NES: variants seen among roughly 807,000 people sequenced by gnomAD.
NES encodes the protein nestin.
NES carries 27 observed loss-of-function variants against 35.6 expected under a neutral mutation model. The observed-to-expected ratio is 0.76, with a 90% CI of 0.56 to 1.04. The LOEUF is 1.04. NES is among the 50% of genes least tolerant of loss of function. The probability of loss-of-function intolerance (pLI) is 0.00; values close to 1 mark genes in which losing one functional copy is unlikely to be tolerated. For missense variants in NES, 1,867 were observed against 1,983.6 expected, an observed-to-expected ratio of 0.94 and a Z score of 1.12; for synonymous variants, 822 against 824.2, an observed-to-expected ratio of 1.00 and a Z score of 0.04.
At chr1:156,675,682 G>A (rs1205058898) in intron 1 of NES, among the ~76,000 whole-genome samples, 5 of 152,110 alleles carry the variant, frequency 3.3e-5, no homozygotes, top group East Asian at 1.9e-4. Context: ...AGAGAGAAGA[G>A]GGGGAAAAAA....
Position 156,670,509 on chromosome 1 carries a change from G to C in NES, c.3679C>G (p.Pro1227Ala). 6.3e-7 allele frequency: 1 copy of C among 1,597,998 alleles called. No individual in the cohort carries two copies. Among genetic ancestry groups the C allele is most frequent in the South Asian group, 1.1e-5 (1 of 89,256 alleles). Residue 1227 changes from proline (P) to alanine (A), a missense_variant, in exon 4 of 4, where the codon CCG becomes GCG. Physicochemically the swap from Pro to Ala is conservative, Grantham distance 27 (BLOSUM62 -1). Transcript: ENST00000368223. ...VLVSPSPTYT[P>A]ILEDAPGPQP... ...GGCCCAGGGGCATCTTCCAGGATCG[G>C]GGTGTACGTTGGGCTGGGGGAGACC...
Position 156,676,202 on chromosome 1 carries a change from A to G in NES, c.783+280T>C, listed in dbSNP as rs536054600. Among the ~76,000 whole-genome samples the G allele has an allele frequency of 3.9e-4, 59 of 152,350 alleles. No individual in the cohort carries two copies. Among genetic ancestry groups the G allele is most frequent in the Non-Finnish European group, 8.1e-4 (55 of 68,036 alleles). On this transcript the variant is annotated intron_variant, in intron 1 of 3. Coordinates refer to ENST00000368223, the MANE Select transcript of NES (RefSeq NM_006617.2). This position sits in a 1 kb window ranked among gnomAD's most constrained non-coding sequence, Gnocchi z 5.3. Reference sequence around the variant, plus strand: ...GAAGGGACCCGGAGCCCCGGTCATCATCAGAGCCAGAAGGTGCCATCCAGA... The same window carrying G: ...GAAGGGACCCGGAGCCCCGGTCATCGTCAGAGCCAGAAGGTGCCATCCAGA...
In NES at chr1:156,677,136, G is replaced by C. The variant is rs1647330094; in HGVS notation, c.129C>G (p.Leu43=). 6.2e-7 allele frequency: 1 copy of C among 1,609,178 alleles called. No homozygotes were observed. Among genetic ancestry groups the C allele is most frequent in the Admixed American group, 1.7e-5 (1 of 59,690 alleles). Residue 43 remains leucine (L), a synonymous_variant, in exon 1 of 4, where the codon CTC becomes CTG. Coordinates refer to ENST00000368223, the MANE Select transcript of NES (RefSeq NM_006617.2). This position sits in a 1 kb window ranked among gnomAD's most constrained non-coding sequence, Gnocchi z 4.5. ...NELLSAELGG[L]RAQSADTSWR... is the part of the protein sequence containing the mutation. ...AGGAGGTGTCCGCGGATTGTGCCCGGAGCCCCCCGAGCTCCGCGCTGAGCA... is the reference window on the plus strand; with the variant it reads ...AGGAGGTGTCCGCGGATTGTGCCCGCAGCCCCCCGAGCTCCGCGCTGAGCA...
At chr1:156,674,618 C>T (rs1048146242) in intron 2 of NES, among the ~76,000 whole-genome samples, 1 of 152,248 alleles carries the variant, frequency 6.6e-6, no homozygotes, top group Non-Finnish European at 1.5e-5. Flanking sequence ...AGAAGCCACC[C>T]CTCCTTGGTC....
rs1173284711 is a variant in NES at position 156,671,237 on chromosome 1, T to C, written c.2951A>G (p.Glu984Gly). 6.2e-7 allele frequency: 1 copy of C among 1,614,008 alleles called. No individual in the cohort carries two copies. Among genetic ancestry groups the C allele is most frequent in the East Asian group, 2.2e-5 (1 of 44,892 alleles). ...NEDEAELNLR[E>G]QDGFTGKEEV... ...CTCCTTCCCAGTGAAGCCATCCTGC[T>C]CCCTCAGATTCAGCTCTGCCTCATC... Residue 984 changes from glutamate (E) to glycine (G), a missense_variant, in exon 4 of 4, where the codon GAG becomes GGG. Coordinates refer to ENST00000368223, the MANE Select transcript of NES (RefSeq NM_006617.2).
chr1:156,676,860 G>C lies in NES; in HGVS notation c.405C>G (p.Arg135=). 6.6e-7 allele frequency: 1 copy of C among 1,514,254 alleles called. No homozygotes were observed. The highest frequency in any genetic ancestry group is 8.7e-7 in the Non-Finnish European group (1 of 1,145,000). The allele number at this position is 1,514,254 out of a possible 1,614,324, so 93.8% of individuals were successfully genotyped here. ...GCGCCACGCGTAGAGCCTCTAGCTCGCGCTCCAGCTCTGCCACCTGGCTAC... is the reference window on the plus strand; with the variant it reads ...GCGCCACGCGTAGAGCCTCTAGCTCCCGCTCCAGCTCTGCCACCTGGCTAC... ...WLSSQVAELE[R]ELEALRVAHE... is the part of the protein sequence containing the mutation. The change falls in exon 1 of 4, where the codon CGC becomes CGG. Residue 135 remains arginine (R), a synonymous_variant. Transcript: ENST00000368223. The surrounding 1 kb of genome is among the most constrained non-coding windows in gnomAD (Gnocchi z 5.3).
At position 156,670,690 on chromosome 1, in the gene NES, C is replaced by T. The variant is rs754477769; in HGVS notation, c.3498G>A (p.Glu1166=). Residue 1166 remains glutamate, a synonymous_variant, in exon 4 of 4, where the codon GAG becomes GAA. Coordinates refer to ENST00000368223, the MANE Select transcript of NES (RefSeq NM_006617.2). ...ACTCCTCCCTACCCTCCCTGGGAGG[C>T]TCCCAAGGGTCTCTGCTCTTCCCAG... ...ELPGKSRDPW[E]PPREGREESE... 19 of 1,613,966 alleles carry T rather than the reference C, an allele frequency of 1.2e-5. No homozygotes were observed. In the Admixed American group the frequency reaches 2.5e-4, roughly 21 times the overall value.
At position 156,671,147 on chromosome 1, in the gene NES, G is replaced by A. The variant is rs1679720442; in HGVS notation, c.3041C>T (p.Pro1014Leu). The A allele has an allele frequency of 2.5e-6, 4 of 1,613,934 alleles. No homozygotes were observed. Among genetic ancestry groups the A allele is most frequent in the African/African-American group, 1.3e-5 (1 of 74,900 alleles). ...EEVWIPGEGH[P>L]ESPEPKEQRG... ...CTGCTCTTTGGGCTCAGGGCTCTCT[G>A]GGTGCCCCTCGCCTGGGATCCAGAC... Residue 1014 changes from proline to leucine, a missense_variant, in exon 4 of 4, where the codon CCA (proline) becomes CTA (leucine). Transcript: ENST00000368223.
rs1557998291 is a variant in NES at position 156,670,938 on chromosome 1, A to G, written c.3250T>C (p.Leu1084=). 1.9e-6 allele frequency: 3 copies of G among 1,592,656 alleles called. No homozygotes were observed. The highest frequency in any genetic ancestry group is 1.7e-5 in the Admixed American group (1 of 59,142). ...TCACCCATGGCAGGCTCTGACCCCA[A>G]CATGACCTCTGGGGAGGCTTGGTCA... ...GGDQASPEVM[L]GSEPAMGESA... Residue 1084 remains leucine, a synonymous_variant, in exon 4 of 4, where the codon TTG becomes CTG. Coordinates refer to ENST00000368223, the MANE Select transcript of NES (RefSeq NM_006617.2).
Position 156,672,108 on chromosome 1 carries a change from T to G in NES, c.2080A>C (p.Lys694Gln). 6.2e-7 allele frequency: 1 copy of G among 1,610,824 alleles called. No individual in the cohort carries two copies. Among genetic ancestry groups the G allele is most frequent in the Non-Finnish European group, 8.5e-7 (1 of 1,179,274 alleles). Residue 694 changes from lysine to glutamine, a missense_variant, in exon 4 of 4, where the codon AAG (lysine) becomes CAG (glutamine). Transcript: ENST00000368223. Reference sequence around the variant, plus strand: ...GACCTCAGGGGTTCCTGATTCTCCTTTGTCAGAGGTCTCAGTGCCTCCTCA... The same window carrying G: ...GACCTCAGGGGTTCCTGATTCTCCTGTGTCAGAGGTCTCAGTGCCTCCTCA... ...GDEEALRPLT[K>Q]ENQEPLRSLE...
intron 3 of NES, 62 bp downstream of exon 3, chr1:156,673,392 T>C (rs1571465166): frequency 6.7e-7 from 1 of 1,482,812 alleles, no homozygotes; most frequent in Non-Finnish European, 9.3e-7. Flanking sequence ...TCGGGAAAGA[T>C]AGGTCTGGGT....
chr1:156,675,237 C>T lies in NES; in HGVS notation c.887G>A (p.Ser296Asn), dbSNP rs142268617. ...GTACCTGTACGTGGCCACCTCCAGGCTGAGGGACATCTTGAGGTGCGCCAG... is the reference window on the plus strand; with the variant it reads ...GTACCTGTACGTGGCCACCTCCAGGTTGAGGGACATCTTGAGGTGCGCCAG... ...QQLAHLKMSLSLEVATYRTLL... is the reference protein window; with the variant it reads ...QQLAHLKMSLNLEVATYRTLL... The change falls in exon 2 of 4, where the codon AGC becomes AAC. Residue 296 changes from serine to asparagine, a missense_variant. Coordinates refer to ENST00000368223, the MANE Select transcript of NES (RefSeq NM_006617.2). 9.3e-6 allele frequency: 15 copies of T among 1,613,504 alleles called. No homozygotes were observed. In the African/African-American group the frequency reaches 1.7e-4, roughly 19 times the overall value.
Position 156,669,753 on chromosome 1 carries a change from C to T in NES, c.4435G>A (p.Gly1479Ser), listed in dbSNP as rs76112179. Residue 1479 changes from glycine (G) to serine (S), a missense_variant, in exon 4 of 4, where the codon GGT (glycine) becomes AGT (serine). Transcript: ENST00000368223. ...WDDSLRGAVA[G>S]APKTALETES... The stretch of plus-strand genomic sequence containing the variant: ...GTTTCCAGGGCAGTCTTGGGGGCAC[C>T]AGCCACTGCACCCCTCAAGCTGTCA... 4.6e-4 allele frequency: 745 copies of T among 1,614,008 alleles called. 2 individuals carry two copies. The African/African-American group carries it at 8.1e-3, about 18-fold the overall frequency.
rs1293822091 is a variant in NES, at chr1:156,670,161, C to G, written c.4027G>C (p.Glu1343Gln). The G allele has an allele frequency of 1.2e-6, 2 of 1,614,038 alleles. No homozygotes were observed. Among genetic ancestry groups the G allele is most frequent in the Admixed American group, 3.3e-5 (2 of 60,020 alleles). The change falls in exon 4 of 4, where the codon GAG becomes CAG. Residue 1343 changes from glutamate (E) to glutamine (Q), a missense_variant. Glu to Gln is a conservative substitution (Grantham distance 29). Transcript: ENST00000368223. ...DPAVLASEGL[E>Q]APPSEKEEGE... ...TCCTCCTTTTCTGAGGGTGGGGCCT[C>G]AAGGCCCTCGGAAGCCAGGACAGCA...
chr1:156,677,056 C>T lies in NES; in HGVS notation c.209G>A (p.Arg70His). ...CTCGGCCGCGTGCTTCTCCCGCCAG[C>T]GTTGGTCAACGAGGGCCCGCAGGGC... is the stretch of plus-strand genomic sequence containing the variant. ...LAALRALVDQRWREKHAAEVA... is the reference protein window; with the variant it reads ...LAALRALVDQHWREKHAAEVA... Residue 70 changes from arginine (R) to histidine (H), a missense_variant, in exon 1 of 4, where the codon CGC (arginine) becomes CAC (histidine). Arg to His is a conservative substitution (Grantham distance 29). Coordinates refer to ENST00000368223, the MANE Select transcript of NES (RefSeq NM_006617.2). This position sits in a 1 kb window ranked among gnomAD's most constrained non-coding sequence, Gnocchi z 4.5. The T allele has an allele frequency of 1.3e-6, 2 of 1,596,652 alleles. No homozygotes were observed. Among genetic ancestry groups the T allele is most frequent in the African/African-American group, 1.3e-5 (1 of 74,568 alleles).
Position 156,670,128 on chromosome 1 carries a change from C to T in NES, c.4060G>A (p.Glu1354Lys), listed in dbSNP as rs754050728. 4.4e-5 allele frequency: 71 copies of T among 1,613,928 alleles called. No homozygotes were observed. The highest frequency in any genetic ancestry group is 1.0e-4 in the Admixed American group (6 of 60,008). ...TCACGGCCACACTCCTCTTCTCCCT[C>T]CTCCCCCTCCTCCTTTTCTGAGGGT... is the stretch of plus-strand genomic sequence containing the variant. ...APPSEKEEGE[E>K]GEEECGRDSD... Residue 1354 changes from glutamate to lysine, a missense_variant, in exon 4 of 4, where the codon GAG (glutamate) becomes AAG (lysine). Physicochemically the swap from Glu to Lys is moderately conservative, Grantham distance 56. Coordinates refer to ENST00000368223, the MANE Select transcript of NES (RefSeq NM_006617.2).
At chr1:156,673,277 C>T (rs1156573192) in intron 3 of NES, 72 bp from the exon 4 acceptor site, 25 of 1,354,946 alleles carry the variant, frequency 1.8e-5, no homozygotes, top group South Asian at 8.8e-5. Context: ...GAGCAGCCAC[C>T]GCTGGCAAGA....
chr1:156,670,573 C>T lies in NES; in HGVS notation c.3615G>A (p.Leu1205=), dbSNP rs1313688832. The change falls in exon 4 of 4, where the codon CTG becomes CTA. Residue 1205 remains leucine, a synonymous_variant. Coordinates refer to ENST00000368223, the MANE Select transcript of NES (RefSeq NM_006617.2). ...CATCCTCCTCAGCTTCCTCTGACCC[C>T]AGAGGCCAAGGTGAAGGGGCATCAC... ...TGSDAPSPWP[L]GSEEAEEDVP... 6.2e-7 allele frequency: 1 copy of T among 1,612,894 alleles called. No individual in the cohort carries two copies. The highest frequency in any genetic ancestry group is 1.3e-5 in the African/African-American group (1 of 74,894).
Position 156,670,666 on chromosome 1 carries a change from C to T in NES, c.3522G>A (p.Glu1174=). ...CTCCCCTGGGGGCCTCAGCCTCTGA[C>T]TCCTCCCTACCCTCCCTGGGAGGCT... ...PWEPPREGRE[E]SEAEAPRGAE... The change falls in exon 4 of 4, where the codon GAG becomes GAA. Residue 1174 remains glutamate, a synonymous_variant. Transcript: ENST00000368223. The T allele has an allele frequency of 1.2e-6, 2 of 1,613,894 alleles. No individual in the cohort carries two copies. The highest frequency in any genetic ancestry group is 1.1e-5 in the South Asian group (1 of 91,082).
Sources: gnomAD v4.1 joint callset for allele counts (sites outside exome capture counted in the v4.1 genomes callset) on GRCh38, gnomAD v4.1.1 for gene constraint, Gnocchi (gnomAD v3.1) non-coding constraint, MANE v1.5 for transcripts, NCBI Gene and HGNC (gene_info 2026-07-23, HGNC 2026-07-21) for gene names.